Variants in SMAD2 observed in about 807,000 individuals in gnomAD.
SMAD2 encodes the protein MAD homolog 2.
Under a neutral mutation model 64.4 loss-of-function variants are expected in SMAD2, and 8 were observed. The ratio of observed to expected loss-of-function variants is 0.12; its 90% CI spans 0.07 to 0.22. The LOEUF (loss-of-function observed/expected upper bound fraction) is 0.22. Among genes scored for constraint, SMAD2 ranks in the 10% least tolerant of loss-of-function variants. SMAD2 has a pLI of 1.00. For missense variants in SMAD2, 289 were observed against 561.2 expected (o/e 0.51, Z 4.90); for synonymous variants, 203 against 195.8 (o/e 1.04, Z -0.31).
At chr18:47,868,514 C>A (rs1192920526) in intron 4 of SMAD2, 57 bp from the exon 5 acceptor site, 7 of 1,487,542 alleles carry the variant, frequency 4.7e-6, no homozygotes, top group African/African-American at 1.4e-5. Flanking sequence ...AGTGGGGGAA[C>A]CTTTTTTAAA....
At chr18:47,853,530 GA>G (rs1196341578) in intron 6 of SMAD2, 3,693 of 164,632 alleles carry the variant, frequency 0.022, no homozygotes, top group Middle Eastern at 0.043. Context: ...TCTCGAGAGG[GA>G]AAAAAAAAAA....
At chr18:47,861,849 T>C (rs1384459380) in intron 6 of SMAD2, among the ~76,000 whole-genome samples, 2 of 152,246 alleles carry the variant, frequency 1.3e-5, no homozygotes, top group Admixed American at 6.5e-5. Flanking sequence ...ACAGTGCTTA[T>C]TACAGGTTAG....
chr18:47,842,994 C>T (rs1007382038), intron 10 of SMAD2, among the ~76,000 whole-genome samples: 7 of 152,196 alleles, frequency 4.6e-5, no homozygotes, highest in African/African-American at 1.7e-4. Context: ...ATCAACTCTT[C>T]ATCTCCAAGC....
At chr18:47,879,388 G>A (rs1366682217) in intron 2 of SMAD2, among the ~76,000 whole-genome samples, 2 of 152,014 alleles carry the variant, frequency 1.3e-5, no homozygotes, top group Non-Finnish European at 2.9e-5. Context: ...CACCATAGGT[G>A]TCGTGTCTTC....
In SMAD2 at chr18:47,816,827, A is replaced by G. The variant is rs1912389184; in HGVS notation, c.*25000T>C. 6.8e-6 allele frequency: 1 copy of G among 146,136 alleles called. No homozygotes were observed. The highest frequency in any genetic ancestry group is 7.1e-5 in the Admixed American group (1 of 14,070). The allele number at this position is 146,136 out of a possible 1,614,324, so 9.1% of individuals were successfully genotyped here. On this transcript the variant is annotated 3_prime_UTR_variant, in exon 11 of 11. Transcript: ENST00000262160. ...CGCCCAGGCTGGAGTGCAGTGGCAC[A>G]TCTAGGCTCACTGCAACCTCCACTT...
intron 2 of SMAD2, among the ~76,000 whole-genome samples, chr18:47,873,478 T>C (rs2032069738): frequency 6.6e-6 from 1 of 152,090 alleles, no homozygotes; most frequent in African/African-American, 2.4e-5. Flanking sequence ...CCAAAACAAA[T>C]AAGTATGACC....
At chr18:47,877,536 T>C (rs1334625197) in intron 2 of SMAD2, among the ~76,000 whole-genome samples, 1 of 152,178 alleles carries the variant, frequency 6.6e-6, no homozygotes, top group Non-Finnish European at 1.5e-5. Flanking sequence ...ACTACAAATA[T>C]AATTGAAAGA....
rs1464075857 is a variant in SMAD2, at chr18:47,839,739, A to C, written c.*2088T>G. ...AGAGGTTTCTGTATAAAGCATTAAT[A>C]CCTAATCAGGAGTTTCCTTTAGTGT... On this transcript the variant is annotated 3_prime_UTR_variant, in exon 11 of 11. Coordinates refer to ENST00000262160, the MANE Select transcript of SMAD2 (RefSeq NM_005901.6). The C allele has an allele frequency of 8.6e-6, 2 of 233,224 alleles. No homozygotes were observed. The highest frequency in any genetic ancestry group is 1.7e-5 in the Non-Finnish European group (2 of 118,038). The allele number at this position is 233,224 out of a possible 1,614,324, so 14.4% of individuals were successfully genotyped here. A position where few individuals can be genotyped will look rare whatever the true frequency, so the allele number is the denominator to read the frequency against.
At chr18:47,924,982 C>T (rs2034707268) in intron 1 of SMAD2, among the ~76,000 whole-genome samples, 2 of 152,180 alleles carry the variant, frequency 1.3e-5, no homozygotes, top group Admixed American at 6.5e-5. Context: ...GAGACTCAAA[C>T]TAATGAACAG....
At chr18:47,928,914 CTT>C (rs1445831013) in intron 1 of SMAD2, among the ~76,000 whole-genome samples, 1 of 152,212 alleles carries the variant, frequency 6.6e-6, no homozygotes, top group East Asian at 1.9e-4. Flanking sequence ...TGGGCACACT[CTT>C]TAGAAATGCC....
At chr18:47,861,051 T>TG (rs771321718) in intron 6 of SMAD2, among the ~76,000 whole-genome samples, 1 of 151,882 alleles carries the variant, frequency 6.6e-6, no homozygotes, top group East Asian at 1.9e-4. Context: ...GCATGAAGAC[T>TG]GGGGAAAAAA....
chr18:47,894,947 T>A (rs1449154677), intron 2 of SMAD2, among the ~76,000 whole-genome samples: 1 of 152,176 alleles, frequency 6.6e-6, no homozygotes, highest in East Asian at 1.9e-4. Context: ...GCCAAATCTG[T>A]TTACTTCGTG....
At position 47,835,999 on chromosome 18, in the gene SMAD2, T is replaced by A; in HGVS notation, c.*5828A>T. The A allele has an allele frequency of 4.7e-6, 1 of 211,830 alleles. No homozygotes were observed. Among genetic ancestry groups the A allele is most frequent in the Non-Finnish European group, 9.6e-6 (1 of 104,550 alleles). 13.1% of individuals were successfully genotyped at this position (211,830 alleles called of 1,614,324 possible). A position where few individuals can be genotyped will look rare whatever the true frequency, so the allele number is the denominator to read the frequency against. ...GTGGCATTATTCTTCCAAGGGACTC[T>A]TATATCTAAGCAATGGTGAAGTTCT... On this transcript the variant is annotated 3_prime_UTR_variant, in exon 11 of 11. Coordinates refer to ENST00000262160, the MANE Select transcript of SMAD2 (RefSeq NM_005901.6).
intron 1 of SMAD2, among the ~76,000 whole-genome samples, chr18:47,918,841 A>C (rs1480640310): frequency 6.6e-6 from 1 of 152,194 alleles, no homozygotes; most frequent in Non-Finnish European, 1.5e-5. Flanking sequence ...CAGTAGAGAA[A>C]ATGAAAAAAA....
chr18:47,850,183 T>C (rs1345288359), intron 7 of SMAD2, among the ~76,000 whole-genome samples: 1 of 107,654 alleles, frequency 9.3e-6, no homozygotes, highest in East Asian at 2.3e-4. Flanking sequence ...CTCTCATATA[T>C]ATATTATATA....
Position 47,848,662 on chromosome 18 carries a change from T to C in SMAD2, c.810A>G (p.Glu270=). 1 of 1,613,450 alleles carries C rather than the reference T, an allele frequency of 6.2e-7. No individual in the cohort carries two copies. Among genetic ancestry groups the C allele is most frequent in the South Asian group, 1.1e-5 (1 of 91,046 alleles). Residue 270 remains glutamate (E), a synonymous_variant, in exon 8 of 11, where the codon GAA becomes GAG. Coordinates refer to ENST00000262160, the MANE Select transcript of SMAD2 (RefSeq NM_005901.6). The part of the protein sequence containing the change: ...SLDLQPVTYS[E]PAFWCSIAYY... ...ATGCTATCGAACACCAAAATGCAGG[T>C]TCTGAGTAAGTAACTGGCTGTAAAT...
intron 1 of SMAD2, among the ~76,000 whole-genome samples, chr18:47,917,758 A>G (rs900829723): frequency 2.0e-5 from 3 of 152,092 alleles, no homozygotes; most frequent in African/African-American, 7.2e-5. Context: ...GGTTCTCCCT[A>G]TGTTGTCTAG....
At chr18:47,917,516 C>T (rs1292755610) in intron 1 of SMAD2, among the ~76,000 whole-genome samples, 2 of 151,988 alleles carry the variant, frequency 1.3e-5, no homozygotes, top group East Asian at 3.8e-4. Flanking sequence ...TTTTCTAATA[C>T]CTATGCATTT....
chr18:47,870,826 T>TG, intron 2 of SMAD2, among the ~76,000 whole-genome samples: 2 of 152,290 alleles, frequency 1.3e-5, no homozygotes, highest in East Asian at 3.9e-4. Flanking sequence ...GCTCAATGAA[T>TG]CATACCTATA....
Sources: gnomAD v4.1 joint callset for allele counts (sites outside exome capture counted in the v4.1 genomes callset) on GRCh38, gnomAD v4.1.1 for gene constraint, MANE v1.5 for transcripts, NCBI Gene and HGNC (gene_info 2026-07-23, HGNC 2026-07-21) for gene names.